The following LIPK variants were observed in gnomAD, a reference collection of about 807,000 sequenced individuals.
LIPK encodes lipase member K.
A neutral mutation model predicts 48.6 loss-of-function variants in LIPK; 32 were observed. That is an observed-to-expected ratio of 0.66 (90% CI 0.50 to 0.88). The LOEUF (loss-of-function observed/expected upper bound fraction) is 0.88, where lower values mean the gene tolerates loss of function less well. Ranked by LOEUF, LIPK falls within the 40% of genes least tolerant of loss-of-function variation. The pLI is 0.00. For synonymous variants in LIPK, 164 were observed against 157.4 expected (o/e 1.04, Z -0.32); for missense variants, 507 against 478.5 (o/e 1.06, Z -0.56).
intron 8 of LIPK, among the ~76,000 whole-genome samples, chr10:88,740,647 C>A (rs544496355): frequency 6.6e-6 from 1 of 152,126 alleles, no homozygotes; most frequent in South Asian, 2.1e-4. Context: ...TGTGTGCATG[C>A]GCACACACGT....
chr10:88,712,391 G>C (rs1487438552), intron 1 of LIPK, among the ~76,000 whole-genome samples: 1 of 152,162 alleles, frequency 6.6e-6, no homozygotes, highest in Non-Finnish European at 1.5e-5. Flanking sequence ...AACAATGCAA[G>C]TAAGCTTCAT....
chr10:88,718,953 G>C (rs1437016326), intron 1 of LIPK, among the ~76,000 whole-genome samples: 1 of 152,072 alleles, frequency 6.6e-6, no homozygotes, highest in Non-Finnish European at 1.5e-5. Flanking sequence ...TAAGTCAATT[G>C]AAATAATTGT....
At chr10:88,744,315 T>A (rs571434566) in intron 9 of LIPK, among the ~76,000 whole-genome samples, 3 of 152,344 alleles carry the variant, frequency 2.0e-5, no homozygotes, top group African/African-American at 7.2e-5. Flanking sequence ...ACTTGCAGCC[T>A]CCCCTGACTG....
chr10:88,750,098 A>G (rs969372183), intron 9 of LIPK, among the ~76,000 whole-genome samples: 1 of 152,206 alleles, frequency 6.6e-6, no homozygotes, highest in African/African-American at 2.4e-5. Context: ...AATCAAAACC[A>G]TGATGAGATA....
chr10:88,711,455 A>G (rs1483727429), intron 1 of LIPK, among the ~76,000 whole-genome samples: 3 of 152,088 alleles, frequency 2.0e-5, no homozygotes, highest in Admixed American at 2.0e-4. Context: ...CAAGTTGTAC[A>G]TTAGCTGTTT....
rs148227182 is a variant in LIPK, at chr10:88,749,599, T to C, written c.961-2918T>C. Among the ~76,000 whole-genome samples, 468 of 152,256 alleles carry C rather than the reference T, an allele frequency of 3.1e-3. 2 individuals are homozygous for C. Among genetic ancestry groups the C allele is most frequent in the African/African-American group, 0.011 (449 of 41,516 alleles). ...AACTGGACCCCTTCTTTTTCCCATA[T>C]ACAAAAATTAACTCAAGATGGATTA... On this transcript the variant is annotated intron_variant, in intron 9 of 9. Coordinates refer to ENST00000404190, the MANE Select transcript of LIPK (RefSeq NM_001080518.2).
chr10:88,752,422 C>T, intron 9 of LIPK, 95 bp from the exon 10 acceptor site: 1 of 821,708 alleles, frequency 1.2e-6, no homozygotes. Flanking sequence ...ACACTTGTAG[C>T]ATTTAAAGAA....
At chr10:88,737,056 T>A (rs1232544455) in intron 6 of LIPK, among the ~76,000 whole-genome samples, 2 of 152,208 alleles carry the variant, frequency 1.3e-5, no homozygotes, top group Non-Finnish European at 2.9e-5. Context: ...GATTCATTTA[T>A]GTGGGTTAAG....
In LIPK at chr10:88,732,191, GCTAAATATGA is replaced by G. The variant is rs1248551224; in HGVS notation, c.438_447del (p.Lys147PhefsTer9). 6 of 1,608,768 alleles carry G rather than the reference GCTAAATATGA, an allele frequency of 3.7e-6. No homozygotes were observed. The highest frequency in any genetic ancestry group is 5.1e-6 in the Non-Finnish European group (6 of 1,177,382). ...TCTTTTTGATAGTTTGGATGAGATG[GCTAAATATGA>G]CCTTCCAGCCACAATCAATTTTATC... On this transcript the variant is annotated frameshift_variant, in exon 5 of 10. Transcript: ENST00000404190. LOFTEE classifies it high-confidence loss of function.
intron 1 of LIPK, among the ~76,000 whole-genome samples, chr10:88,709,125 T>C (rs1841983255): frequency 6.6e-6 from 1 of 152,180 alleles, no homozygotes; most frequent in South Asian, 2.1e-4. Flanking sequence ...TTGATGATGA[T>C]TATTTATTGA....
intron 3 of LIPK, among the ~76,000 whole-genome samples, chr10:88,729,779 A>G (rs1205761293): frequency 6.6e-6 from 1 of 152,182 alleles, no homozygotes; most frequent in African/African-American, 2.4e-5. Flanking sequence ...CGATGGCTGA[A>G]GGCTCTCTGA....
At chr10:88,713,665 G>T (rs1842064104) in intron 1 of LIPK, among the ~76,000 whole-genome samples, 1 of 152,104 alleles carries the variant, frequency 6.6e-6, no homozygotes, top group Non-Finnish European at 1.5e-5. Flanking sequence ...TTTAGGCTGG[G>T]CGTGGTGGCT....
chr10:88,752,288 G>C (rs1014242689), intron 9 of LIPK, among the ~76,000 whole-genome samples: 1 of 152,130 alleles, frequency 6.6e-6, no homozygotes, highest in African/African-American at 2.4e-5. Context: ...TCCCAAACGT[G>C]CAAGTCAGAA....
At chr10:88,720,173 C>A (rs898873337) in intron 1 of LIPK, among the ~76,000 whole-genome samples, 1 of 152,178 alleles carries the variant, frequency 6.6e-6, no homozygotes, top group Admixed American at 6.5e-5. Flanking sequence ...AAAGTAGCAG[C>A]TGTCTCCACT....
intron 2 of LIPK, among the ~76,000 whole-genome samples, chr10:88,726,357 G>A (rs1456541449): frequency 2.6e-5 from 4 of 152,220 alleles, no homozygotes; most frequent in East Asian, 1.9e-4. Flanking sequence ...ATGCCGTCAC[G>A]GCACATAGAG....
intron 3 of LIPK, among the ~76,000 whole-genome samples, chr10:88,729,571 A>T (rs1174187821): frequency 1.3e-5 from 2 of 152,218 alleles, no homozygotes; most frequent in Admixed American, 1.3e-4. Context: ...GCCAAAATTC[A>T]TGAGACAAAA....
At chr10:88,719,247 G>A (rs975649756) in intron 1 of LIPK, among the ~76,000 whole-genome samples, 6 of 152,098 alleles carry the variant, frequency 3.9e-5, no homozygotes, top group Non-Finnish European at 5.9e-5. Context: ...AACCCTACAC[G>A]TAGGTGTTAT....
intron 3 of LIPK, among the ~76,000 whole-genome samples, chr10:88,730,580 C>T (rs916830467): frequency 2.0e-5 from 3 of 152,188 alleles, no homozygotes; most frequent in Non-Finnish European, 4.4e-5. Context: ...TGAGCCACCG[C>T]GCCTGGCAAC....
At chr10:88,740,884 A>G (rs1345802597) in intron 8 of LIPK, among the ~76,000 whole-genome samples, 1 of 152,110 alleles carries the variant, frequency 6.6e-6, no homozygotes, top group Non-Finnish European at 1.5e-5. Context: ...AATCGCTACT[A>G]TAGATAGCCT....
Sources: gnomAD v4.1 joint callset for allele counts (sites outside exome capture counted in the v4.1 genomes callset) on GRCh38, gnomAD v4.1.1 for gene constraint, MANE v1.5 for transcripts, NCBI Gene and HGNC (gene_info 2026-07-23, HGNC 2026-07-21) for gene names.